The following SHISA6 variants were observed in gnomAD, a reference collection of about 807,000 sequenced individuals.
SHISA6 encodes the protein shisa family member 6.
Under a neutral mutation model 47.9 loss-of-function variants are expected in SHISA6, and 22 were observed. The ratio of observed to expected loss-of-function variants is 0.46; its 90% CI spans 0.33 to 0.66. The LOEUF is 0.66. Among genes scored for constraint, SHISA6 ranks in the 30% least tolerant of loss-of-function variants. The pLI is 0.02. For synonymous variants in SHISA6, 388 were observed against 337.8 expected (o/e 1.15, Z -1.63); for missense variants, 680 against 764.6 (o/e 0.89, Z 1.30).
intron 3 of SHISA6, among the ~76,000 whole-genome samples, chr17:11,488,856 C>T (rs1367140195): frequency 6.6e-6 from 1 of 152,210 alleles, no homozygotes; most frequent in Non-Finnish European, 1.5e-5. Context: ...TCTGAAGCCA[C>T]ATGGCCAGAG....
chr17:11,445,669 A>G (rs1256343177), intron 3 of SHISA6, among the ~76,000 whole-genome samples: 1 of 152,176 alleles, frequency 6.6e-6, no homozygotes, highest in Non-Finnish European at 1.5e-5. Flanking sequence ...CCGAGATCTG[A>G]AAGACACTGT....
chr17:11,393,868 C>A (rs574930840), intron 3 of SHISA6, among the ~76,000 whole-genome samples: 1 of 152,166 alleles, frequency 6.6e-6, no homozygotes, highest in Non-Finnish European at 1.5e-5. Context: ...CTGCTCTTCC[C>A]TTTTTAGGGC....
rs138361302 is a variant in SHISA6 at position 11,438,015 on chromosome 17, G to A, written c.895+58506G>A. ...TTGAGCCTCGGCAGGTTGAGTCAGGGTGGATAAGGATTTATGCCAGACTTA... is the reference window on the plus strand; with the variant it reads ...TTGAGCCTCGGCAGGTTGAGTCAGGATGGATAAGGATTTATGCCAGACTTA... On this transcript the variant is annotated intron_variant, in intron 3 of 5. Transcript: ENST00000441885. Among the ~76,000 whole-genome samples, 8 of 152,244 alleles carry A rather than the reference G, an allele frequency of 5.3e-5. No individual in the cohort carries two copies. In the East Asian group the frequency reaches 9.7e-4, roughly 18 times the overall value.
chr17:11,556,966 G>A (rs1185046118), intron 5 of SHISA6, among the ~76,000 whole-genome samples: 2 of 152,184 alleles, frequency 1.3e-5, no homozygotes, highest in Admixed American at 1.3e-4. Context: ...CAAGGGTACA[G>A]AGAGCAGTGT....
At chr17:11,324,769 A>G (rs1910819421) in intron 2 of SHISA6, among the ~76,000 whole-genome samples, 1 of 152,178 alleles carries the variant, frequency 6.6e-6, no homozygotes, top group African/African-American at 2.4e-5. Flanking sequence ...TTAAAATCTC[A>G]AACTACTATC....
chr17:11,288,595 A>C (rs1341901109), intron 2 of SHISA6: 1 of 152,148 alleles, frequency 6.6e-6, no homozygotes, highest in Non-Finnish European at 1.5e-5. Context: ...ATCTTACTCA[A>C]AATGACTAGT....
intron 2 of SHISA6, among the ~76,000 whole-genome samples, chr17:11,337,096 GA>G (rs1208395688): frequency 1.3e-5 from 2 of 152,114 alleles, no homozygotes; most frequent in Non-Finnish European, 2.9e-5. Flanking sequence ...TAGGACCCCA[GA>G]ACCACAGGCA....
chr17:11,510,266 C>G (rs1433643297), intron 3 of SHISA6, among the ~76,000 whole-genome samples: 1 of 152,146 alleles, frequency 6.6e-6, no homozygotes, highest in Non-Finnish European at 1.5e-5. Context: ...TCGAAAAGGT[C>G]TGTGTTCCCA....
chr17:11,555,185 T>C (rs1466087439), intron 4 of SHISA6, among the ~76,000 whole-genome samples: 3 of 151,830 alleles, frequency 2.0e-5, no homozygotes, highest in Non-Finnish European at 4.4e-5. Context: ...GGTGCAGAGC[T>C]TGGAGAGGAG....
At chr17:11,330,489 G>GGAGAGAGAGAGAGAGAGA (rs4055800) in intron 2 of SHISA6, among the ~76,000 whole-genome samples, 3 of 147,660 alleles carry the variant, frequency 2.0e-5, no homozygotes, top group African/African-American at 7.6e-5. Flanking sequence ...GTAATGCTAG[G>GGAGAGAGAGAGAGAGAGA]GAGAGAGAGA....
At chr17:11,278,558 G>A (rs1909009212) in intron 2 of SHISA6, among the ~76,000 whole-genome samples, 1 of 152,224 alleles carries the variant, frequency 6.6e-6, no homozygotes, top group South Asian at 2.1e-4. Flanking sequence ...TTTAGCCAGA[G>A]CTATCTAGAA....
chr17:11,555,777 C>G lies in SHISA6; in HGVS notation c.990C>G (p.Thr330=), dbSNP rs796082499. 6.4e-7 allele frequency: 1 copy of G among 1,550,426 alleles called. No homozygotes were observed. Among genetic ancestry groups the G allele is most frequent in the African/African-American group, 1.4e-5 (1 of 72,998 alleles). Residue 330 remains threonine, a synonymous_variant, in exon 5 of 6, where the codon ACC becomes ACG. Transcript: ENST00000441885. ...PRMNNILTSA[T]EPYDLSFSRS... is the part of the protein sequence containing the mutation. ...TGAACAACATCCTGACATCAGCCAC[C>G]GAGCCCTATGACCTCTCCTTCTCCC... is the stretch of plus-strand genomic sequence containing the variant.
intron 2 of SHISA6, among the ~76,000 whole-genome samples, chr17:11,315,837 A>C (rs929410812): frequency 4.6e-5 from 7 of 152,190 alleles, no homozygotes; most frequent in African/African-American, 1.7e-4. Flanking sequence ...TAGGTATGAG[A>C]GCCAAACATA....
At chr17:11,376,813 C>A (rs1236597050) in intron 2 of SHISA6, among the ~76,000 whole-genome samples, 1 of 152,160 alleles carries the variant, frequency 6.6e-6, no homozygotes, top group Non-Finnish European at 1.5e-5. Flanking sequence ...TTATTAGCAT[C>A]ATCTGGGAAC....
intron 3 of SHISA6, among the ~76,000 whole-genome samples, chr17:11,485,592 C>T (rs1240513349): frequency 6.6e-6 from 1 of 152,110 alleles, no homozygotes; most frequent in Non-Finnish European, 1.5e-5. Context: ...CGGCCACGCG[C>T]ACTGAGTGAG....
At chr17:11,270,727 G>A (rs1287864199) in intron 2 of SHISA6, among the ~76,000 whole-genome samples, 1 of 152,176 alleles carries the variant, frequency 6.6e-6, no homozygotes, top group Non-Finnish European at 1.5e-5. Flanking sequence ...GGCAGGGTTT[G>A]GCCTGTGGGC....
At chr17:11,309,144 T>A (rs80180803) in intron 2 of SHISA6, among the ~76,000 whole-genome samples, 1 of 152,082 alleles carries the variant, frequency 6.6e-6, no homozygotes, top group African/African-American at 2.4e-5. Flanking sequence ...TAAAAAATGA[T>A]TTTAGAGATG....
chr17:11,457,814 G>A (rs1053368452), intron 3 of SHISA6, among the ~76,000 whole-genome samples: 4 of 151,486 alleles, frequency 2.6e-5, no homozygotes, highest in African/African-American at 7.3e-5. Flanking sequence ...GGCCGGGCAC[G>A]GTGGCTTATG....
At chr17:11,380,807 G>A (rs1420747369) in intron 3 of SHISA6, among the ~76,000 whole-genome samples, 1 of 152,160 alleles carries the variant, frequency 6.6e-6, no homozygotes, top group Non-Finnish European at 1.5e-5. Context: ...GACTAGGGCT[G>A]GAGGATCTGC....
Sources: gnomAD v4.1 joint callset for allele counts (sites outside exome capture counted in the v4.1 genomes callset) on GRCh38, gnomAD v4.1.1 for gene constraint, MANE v1.5 for transcripts, NCBI Gene and HGNC (gene_info 2026-07-23, HGNC 2026-07-21) for gene names.